Variants in DNAJC5B observed in about 807,000 individuals in gnomAD.
DNAJC5B encodes the protein dnaJ homolog subfamily C member 5B.
Under a neutral mutation model 24.7 loss-of-function variants are expected in DNAJC5B, and 23 were observed. The ratio of observed to expected loss-of-function variants is 0.93; its 90% CI spans 0.67 to 1.32. DNAJC5B has a LOEUF of 1.32. Among genes scored for constraint, DNAJC5B ranks in the 40% most tolerant of loss-of-function variants. The pLI is 0.00. For synonymous variants in DNAJC5B, 101 were observed against 90.1 expected, an observed-to-expected ratio of 1.12 and a Z score of -0.68; for missense variants, 238 against 240.8, an observed-to-expected ratio of 0.99 and a Z score of 0.08.
chr8:66,019,451 T>C (rs1806051448), upstream of DNAJC5B, among the ~76,000 whole-genome samples: 1 of 152,242 alleles, frequency 6.6e-6, no homozygotes, highest in South Asian at 2.1e-4. Flanking sequence ...TTACTTGTGA[T>C]TTTATTAAAT....
chr8:66,094,714 A>G (rs749003470), intron 5 of DNAJC5B, among the ~76,000 whole-genome samples: 2 of 152,050 alleles, frequency 1.3e-5, no homozygotes, highest in African/African-American at 2.4e-5. Flanking sequence ...AAGAGAAGGT[A>G]CTTTCAGGGT....
At chr8:66,051,717 G>T in intron 3 of DNAJC5B, 51 bp downstream of exon 3, 2 of 1,384,238 alleles carry the variant, frequency 1.4e-6, no homozygotes, top group South Asian at 2.5e-5. Context: ...GTTATTTTGT[G>T]ACTGGCAGAT....
chr8:66,047,906 G>A (rs952570218), intron 2 of DNAJC5B, among the ~76,000 whole-genome samples: 1 of 152,148 alleles, frequency 6.6e-6, no homozygotes, highest in African/African-American at 2.4e-5. Context: ...TTGCTATGCT[G>A]CTAGACCTCA....
At chr8:66,020,592 C>T (rs987490894), upstream of DNAJC5B, among the ~76,000 whole-genome samples, 2 of 136,092 alleles carry the variant, frequency 1.5e-5, no homozygotes, top group African/African-American at 5.5e-5. Flanking sequence ...GTAATCAATA[C>T]TCTGTGTGTG....
chr8:66,067,910 A>C (rs1298502117), intron 3 of DNAJC5B, among the ~76,000 whole-genome samples: 1 of 152,232 alleles, frequency 6.6e-6, no homozygotes. Context: ...TGTTCTTTTA[A>C]GTTCCTAAAC....
intron 3 of DNAJC5B, among the ~76,000 whole-genome samples, chr8:66,059,033 A>G (rs2128961039): frequency 6.6e-6 from 1 of 152,328 alleles, no homozygotes. Context: ...CCATTTATCT[A>G]GCATAAGATG....
At chr8:66,026,384 A>C (rs1211540125) in intron 1 of DNAJC5B, among the ~76,000 whole-genome samples, 2 of 152,248 alleles carry the variant, frequency 1.3e-5, no homozygotes, top group African/African-American at 4.8e-5. Flanking sequence ...AATGAAACAC[A>C]GGTATGCCAA....
chr8:66,057,623 A>G (rs1170015913), intron 3 of DNAJC5B: 1 of 152,266 alleles, frequency 6.6e-6, no homozygotes, highest in African/African-American at 2.4e-5. Context: ...CAATGCCAAG[A>G]AACATTATAA....
intron 2 of DNAJC5B, among the ~76,000 whole-genome samples, chr8:66,048,007 C>T (rs970688766): frequency 1.3e-5 from 2 of 152,130 alleles, no homozygotes; most frequent in African/African-American, 4.8e-5. Flanking sequence ...CTTTAGTGTC[C>T]ACCCTTTATC....
chr8:66,051,358 T>A (rs972695752), intron 2 of DNAJC5B, among the ~76,000 whole-genome samples, 173 bp from the exon 3 acceptor site: 1 of 152,216 alleles, frequency 6.6e-6, no homozygotes, highest in African/African-American at 2.4e-5. Context: ...TTTAACACCC[T>A]GATTCAGAGC....
intron 3 of DNAJC5B, among the ~76,000 whole-genome samples, chr8:66,052,211 G>A (rs774733017): frequency 2.4e-4 from 36 of 151,374 alleles, no homozygotes; most frequent in Non-Finnish European, 4.6e-4. Context: ...GCCCACCTCG[G>A]CCTCCCAAAG....
At chr8:66,063,519 C>T (rs1807126866) in intron 3 of DNAJC5B, among the ~76,000 whole-genome samples, 2 of 152,190 alleles carry the variant, frequency 1.3e-5, no homozygotes, top group African/African-American at 4.8e-5. Context: ...AAACCTTCCA[C>T]TGAAAAGAAG....
intron 3 of DNAJC5B, among the ~76,000 whole-genome samples, chr8:66,061,983 G>A (rs1464322415): frequency 6.6e-6 from 1 of 151,916 alleles, no homozygotes; most frequent in East Asian, 1.9e-4. Flanking sequence ...CCCTTCCTGA[G>A]GGCTTTCCTT....
chr8:66,087,834 A>G (rs115157439), intron 5 of DNAJC5B, among the ~76,000 whole-genome samples: 12,529 of 152,144 alleles, frequency 0.082, 873 homozygotes, highest in African/African-American at 0.18. Context: ...TCTGCAGGGT[A>G]CAGCCCCTGC....
rs150088692 is a variant in DNAJC5B at position 66,036,229 on chromosome 8, C to G, written c.-141-7259C>G. 5.2e-4 allele frequency among the ~76,000 whole-genome samples: 79 copies of G among 152,312 alleles called. 1 individual carries two copies. The highest frequency in any genetic ancestry group is 1.7e-3 in the African/African-American group (72 of 41,550). Reference sequence around the variant, plus strand: ...AGCCCCCGGCAGCATTTATTCACTGCTGGTGAACTGGCTGATTGTGTCTGG... The same window carrying G: ...AGCCCCCGGCAGCATTTATTCACTGGTGGTGAACTGGCTGATTGTGTCTGG... On this transcript the variant is annotated intron_variant, in intron 1 of 5. Transcript: ENST00000276570.
chr8:66,039,594 C>T (rs999543293), intron 1 of DNAJC5B, among the ~76,000 whole-genome samples: 2 of 152,306 alleles, frequency 1.3e-5, no homozygotes, highest in East Asian at 3.9e-4. Context: ...AGGTGATCCA[C>T]CAGCTTCAGC....
At chr8:66,088,692 C>T (rs1470507379) in intron 5 of DNAJC5B, among the ~76,000 whole-genome samples, 3 of 152,180 alleles carry the variant, frequency 2.0e-5, no homozygotes, top group Non-Finnish European at 4.4e-5. Context: ...TCATCTCTTT[C>T]GAGTTCAAGG....
At chr8:66,015,708 C>T in the DNAJC5B span, among the ~76,000 whole-genome samples, 2 of 152,144 alleles carry the variant, frequency 1.3e-5, no homozygotes, top group African/African-American at 4.8e-5. Flanking sequence ...GAATGCCTTT[C>T]CACTGAGCTG....
At chr8:66,023,915 G>A (rs1806195456) in intron 1 of DNAJC5B, among the ~76,000 whole-genome samples, 1 of 152,154 alleles carries the variant, frequency 6.6e-6, no homozygotes, top group African/African-American at 2.4e-5. Flanking sequence ...CTGGGTGCAG[G>A]TAGTCAGCGT....
Sources: allele counts gnomAD v4.1 joint callset (sites outside exome capture counted in the v4.1 genomes callset), GRCh38; gene constraint gnomAD v4.1.1; transcripts MANE v1.5; gene names NCBI Gene and HGNC (gene_info 2026-07-23, HGNC 2026-07-21).